The following BNC2 variants were observed in gnomAD, a reference collection of about 807,000 sequenced individuals.
BNC2 encodes the protein basonuclin zinc finger protein 2.
A neutral mutation model predicts 76.3 loss-of-function variants in BNC2; 20 were observed. That is an observed-to-expected ratio of 0.26 (90% CI 0.18 to 0.38). BNC2 has a LOEUF of 0.38. Among genes scored for constraint, BNC2 ranks in the 10% least tolerant of loss-of-function variants. The probability of loss-of-function intolerance (pLI) is 1.00; values close to 1 mark genes in which losing one functional copy is unlikely to be tolerated. For missense variants in BNC2, 1,382 were observed against 1,399.8 expected (o/e 0.99, Z 0.20); for synonymous variants, 582 against 514.8 (o/e 1.13, Z -1.77).
intron 3 of BNC2, among the ~76,000 whole-genome samples, chr9:16,693,186 A>C (rs902507652): frequency 1.5e-4 from 23 of 151,744 alleles, no homozygotes; most frequent in Admixed American, 6.6e-5. Context: ...GAGTGGCAAG[A>C]AGCAGCATAT....
chr9:16,728,904 A>G (rs1046507163), intron 2 of BNC2, among the ~76,000 whole-genome samples: 13 of 152,188 alleles, frequency 8.5e-5, no homozygotes, highest in Non-Finnish European at 1.8e-4. Flanking sequence ...GAAGTAGAAA[A>G]AAATCCTTTG....
At chr9:16,599,051 T>C (rs1329417072) in intron 3 of BNC2, among the ~76,000 whole-genome samples, 1 of 152,224 alleles carries the variant, frequency 6.6e-6, no homozygotes, top group African/African-American at 2.4e-5. Flanking sequence ...TAAAAACAAC[T>C]GAACATTAAA....
chr9:16,538,363 T>C (rs1281756859), intron 5 of BNC2, among the ~76,000 whole-genome samples: 3 of 151,804 alleles, frequency 2.0e-5, no homozygotes, highest in East Asian at 1.9e-4. Flanking sequence ...GTACTCTACT[T>C]TAACAGGCAC....
intron 3 of BNC2, among the ~76,000 whole-genome samples, chr9:16,599,593 G>A (rs1404714951): frequency 6.6e-6 from 1 of 152,136 alleles, no homozygotes; most frequent in African/African-American, 2.4e-5. Flanking sequence ...ACACCAGCCT[G>A]GCCAACACGG....
intron 3 of BNC2, among the ~76,000 whole-genome samples, chr9:16,687,208 T>TA (rs1823005364): frequency 3.8e-4 from 58 of 151,328 alleles, no homozygotes; most frequent in East Asian, 9.7e-4. Context: ...GAATTTAATT[T>TA]TAAAAAAAAA....
intron 5 of BNC2, among the ~76,000 whole-genome samples, chr9:16,514,505 G>C (rs199798464): frequency 6.7e-6 from 1 of 149,718 alleles, no homozygotes; most frequent in African/African-American, 2.5e-5. Flanking sequence ...TTTTTAAAAA[G>C]GGGGGAAAAA....
intron 5 of BNC2, among the ~76,000 whole-genome samples, chr9:16,539,715 G>A (rs935201239): frequency 3.7e-5 from 5 of 136,322 alleles, no homozygotes; most frequent in Admixed American, 7.4e-5. Flanking sequence ...AGGAAGGAAG[G>A]AAGGGGAAGG....
chr9:16,666,356 T>C (rs1185267475), intron 3 of BNC2, among the ~76,000 whole-genome samples: 2 of 152,226 alleles, frequency 1.3e-5, no homozygotes, highest in South Asian at 2.1e-4. Context: ...TGTTCTCTCC[T>C]ATAACTCTAT....
intron 1 of BNC2, among the ~76,000 whole-genome samples, chr9:16,845,905 T>G (rs7023455): frequency 0.1 from 15,811 of 151,754 alleles, 1,721 homozygotes; most frequent in African/African-American, 0.27. Flanking sequence ...ATCCCAGCAC[T>G]TTGGGAGGCC....
chr9:16,479,262 AAG>A (rs199882688), intron 5 of BNC2, among the ~76,000 whole-genome samples: 14,887 of 127,956 alleles, frequency 0.12, 1,271 homozygotes, highest in African/African-American at 0.28. Context: ...AAAAAAAAAA[AAG>A]AAAAGAAAAG....
At chr9:16,521,809 T>C (rs1306379053) in intron 5 of BNC2, among the ~76,000 whole-genome samples, 1 of 152,192 alleles carries the variant, frequency 6.6e-6, no homozygotes, top group Non-Finnish European at 1.5e-5. Context: ...GGGTGTAACA[T>C]TTTTTAAGCC....
At chr9:16,792,483 G>T (rs1449537311) in intron 1 of BNC2, among the ~76,000 whole-genome samples, 1 of 152,190 alleles carries the variant, frequency 6.6e-6, no homozygotes, top group African/African-American at 2.4e-5. Flanking sequence ...ATCATTGCCA[G>T]TTAGTTCTGC....
At chr9:16,490,275 A>G (rs936556866) in intron 5 of BNC2, among the ~76,000 whole-genome samples, 1 of 152,196 alleles carries the variant, frequency 6.6e-6, no homozygotes, top group Non-Finnish European at 1.5e-5. Context: ...GGCAGCCGCA[A>G]GAGAAAATGA....
In BNC2 at chr9:16,419,515, T is replaced by G; in HGVS notation, c.2774A>C (p.His925Pro). The change falls in exon 7 of 7, where the codon CAC becomes CCC. Residue 925 changes from histidine to proline, a missense_variant. By Grantham distance (77) the His-to-Pro change is moderately conservative. Transcript: ENST00000380672. ...EFLVKIYGAQ[H>P]PMGLDVREDA... ...TTCCCTGACATCGAGCCCCATGGGG[T>G]GCTGGGCACCATATATCTTCACCAA... 1 of 1,613,842 alleles carries G rather than the reference T, an allele frequency of 6.2e-7. No homozygotes were observed. The highest frequency in any genetic ancestry group is 8.5e-7 in the Non-Finnish European group (1 of 1,179,966).
intron 5 of BNC2, among the ~76,000 whole-genome samples, chr9:16,515,984 G>C (rs1006429186): frequency 6.6e-6 from 1 of 150,708 alleles, no homozygotes; most frequent in Non-Finnish European, 1.5e-5. Flanking sequence ...ATAAAAGGAA[G>C]AAGTCTTCTG....
At chr9:16,575,900 A>G (rs1819471228) in intron 4 of BNC2, among the ~76,000 whole-genome samples, 1 of 152,244 alleles carries the variant, frequency 6.6e-6, no homozygotes, top group African/African-American at 2.4e-5. Flanking sequence ...TTCAGCATTT[A>G]CAATCTGGAA....
intron 1 of BNC2, among the ~76,000 whole-genome samples, chr9:16,781,292 C>A (rs952503744): frequency 7.3e-6 from 1 of 136,918 alleles, no homozygotes; most frequent in African/African-American, 2.7e-5. Context: ...ACAATGCATA[C>A]CTACAAAAAA....
At chr9:16,639,022 C>T (rs1399850802) in intron 3 of BNC2, among the ~76,000 whole-genome samples, 1 of 151,862 alleles carries the variant, frequency 6.6e-6, no homozygotes, top group African/African-American at 2.4e-5. Context: ...TCTAAAAGTC[C>T]AAGGTTTAAG....
intron 1 of BNC2, among the ~76,000 whole-genome samples, chr9:16,794,672 A>G (rs1399575772): frequency 6.6e-6 from 1 of 152,218 alleles, no homozygotes; most frequent in East Asian, 1.9e-4. Flanking sequence ...TAGGTGAGTA[A>G]GAGCCAGTAA....
Sources: gnomAD v4.1 joint callset for allele counts (sites outside exome capture counted in the v4.1 genomes callset) on GRCh38, gnomAD v4.1.1 for gene constraint, MANE v1.5 for transcripts, NCBI Gene and HGNC (gene_info 2026-07-23, HGNC 2026-07-21) for gene names.